CDK5RAP2: variants seen among roughly 807,000 people sequenced by gnomAD.
The protein encoded by CDK5RAP2 is CDK5 regulatory subunit-associated protein 2.
CDK5RAP2 carries 147 observed loss-of-function variants against 232.9 expected under a neutral mutation model. The observed-to-expected ratio is 0.63, with a 90% confidence interval of 0.55 to 0.72. The LOEUF (loss-of-function observed/expected upper bound fraction) is 0.72. CDK5RAP2 is among the 30% of genes least tolerant of loss of function. The probability of loss-of-function intolerance (pLI) is 0.00; values close to 1 mark genes in which losing one functional copy is unlikely to be tolerated. For synonymous variants in CDK5RAP2, 833 were observed against 833.7 expected (o/e 1.00, Z 0.01); for missense variants, 2,195 against 2,231.5 (o/e 0.98, Z 0.33).
intron 25 of CDK5RAP2, among the ~76,000 whole-genome samples, chr9:120,424,651 T>C (rs888133480): frequency 6.6e-6 from 1 of 151,470 alleles, no homozygotes; most frequent in African/African-American, 2.4e-5. Flanking sequence ...ATTCAGGTAC[T>C]AGCCAGGCAA....
chr9:120,453,704 G>A lies in CDK5RAP2; in HGVS notation c.2545C>T (p.Leu849=). ...AGCTGGGCCTCACAAGACAACTTCAGTTCATCATGTGGCTTGGAAAATGAG... is the reference window on the plus strand; with the variant it reads ...AGCTGGGCCTCACAAGACAACTTCAATTCATCATGTGGCTTGGAAAATGAG... ...TNSFSKPHDE[L]KLSCEAQLVK... is the part of the protein sequence containing the mutation. Residue 849 remains leucine, a synonymous_variant, in exon 21 of 38, where the codon CTG becomes TTG. Transcript: ENST00000349780. The A allele has an allele frequency of 6.2e-6, 10 of 1,614,256 alleles. No homozygotes were observed. Among genetic ancestry groups the A allele is most frequent in the Non-Finnish European group, 7.6e-6 (9 of 1,180,038 alleles).
At chr9:120,534,997 G>A (rs1187271942) in intron 7 of CDK5RAP2, among the ~76,000 whole-genome samples, 2 of 152,224 alleles carry the variant, frequency 1.3e-5, no homozygotes, top group Non-Finnish European at 2.9e-5. Context: ...CTCAGTAGGA[G>A]GGCACTTCCC....
Position 120,530,039 on chromosome 9 carries a change from G to C in CDK5RAP2, c.764C>G (p.Ser255Ter). ...ACAAAGTCCTCGGAGCTCTCCAGATGACACATTCTCATCAGGACATGCCAT... is the reference window on the plus strand; with the variant it reads ...ACAAAGTCCTCGGAGCTCTCCAGATCACACATTCTCATCAGGACATGCCAT... ...SQMACPDENV[S>*]SGELRGLCAA... Residue 255 changes from serine to a stop codon, truncating the protein, a stop_gained, in exon 8 of 38, where the codon TCA becomes TGA. Coordinates refer to ENST00000349780, the MANE Select transcript of CDK5RAP2 (RefSeq NM_018249.6). LOFTEE classifies it high-confidence loss of function. The C allele has an allele frequency of 6.2e-7, 1 of 1,613,970 alleles. No homozygotes were observed. The highest frequency in any genetic ancestry group is 8.5e-7 in the Non-Finnish European group (1 of 1,179,906).
chr9:120,526,947 C>T (rs1432365529), intron 10 of CDK5RAP2, among the ~76,000 whole-genome samples: 3 of 152,154 alleles, frequency 2.0e-5, no homozygotes, highest in African/African-American at 7.2e-5. Context: ...AGCTCAGGCA[C>T]CTTCTCCTCT....
At chr9:120,526,588 C>T (rs1325940387) in intron 10 of CDK5RAP2, among the ~76,000 whole-genome samples, 1 of 152,150 alleles carries the variant, frequency 6.6e-6, no homozygotes, top group Non-Finnish European at 1.5e-5. Context: ...GGCTACTGGT[C>T]TCCCAGCCTC....
intron 1 of CDK5RAP2, among the ~76,000 whole-genome samples, chr9:120,577,314 TCACTCCACTG>T (rs1564397535): frequency 6.9e-6 from 1 of 145,272 alleles, no homozygotes; most frequent in Admixed American, 7.0e-5. Flanking sequence ...TGAGCCAAGA[TCACTCCACTG>T]CACTCCAGCC....
intron 24 of CDK5RAP2, 85 bp from the exon 25 acceptor site, chr9:120,437,612 G>A: frequency 1.0e-6 from 1 of 1,003,792 alleles, no homozygotes; most frequent in Non-Finnish European, 1.6e-6. Flanking sequence ...AAATGACAGA[G>A]TACAATTTTT....
chr9:120,419,716 T>C (rs1353683194), intron 27 of CDK5RAP2, 72 bp downstream of exon 27: 1 of 1,162,266 alleles, frequency 8.6e-7, no homozygotes, highest in Middle Eastern at 2.5e-4. Context: ...ACACTCTGCT[T>C]ACTAAGGTTA....
intron 12 of CDK5RAP2, among the ~76,000 whole-genome samples, chr9:120,518,200 TGTGTGTGTGTGAGA>T (rs1191813105): frequency 1.2e-4 from 13 of 104,724 alleles, no homozygotes; most frequent in Admixed American, 7.7e-4. Flanking sequence ...TGTGTGTGTG[TGTGTGTGTGTGAGA>T]GAGAGAGAGA....
At position 120,451,982 on chromosome 9, in the gene CDK5RAP2, G is replaced by A. The variant is rs1258668166; in HGVS notation, c.2793+1474C>T. Among the ~76,000 whole-genome samples the A allele has an allele frequency of 4.0e-5, 6 of 150,818 alleles. No individual in the cohort carries two copies. The East Asian group carries it at 1.2e-3, about 29-fold the overall frequency. On this transcript the variant is annotated intron_variant, in intron 21 of 37. Transcript: ENST00000349780. ...CTTCCTTTTGAAGACATAGCAAGAG[G>A]AATAATTTCAAACTAAAAAAATACA...
At position 120,422,686 on chromosome 9, in the gene CDK5RAP2, C is replaced by A. The variant is rs776395046; in HGVS notation, c.4004+7G>T. 3.1e-6 allele frequency: 5 copies of A among 1,607,942 alleles called. No homozygotes were observed. The African/African-American group carries it at 6.7e-5, about 21-fold the overall frequency. On this transcript the variant is annotated splice_region_variant and intron_variant, in intron 26 of 37. Transcript: ENST00000349780. ...GGAAGTCTTCTTAACAAATGTTACA[C>A]ACTCACCTCTCCATCAGTTCATTCT...
chr9:120,523,325 G>T (rs545427518), intron 11 of CDK5RAP2, among the ~76,000 whole-genome samples: 1 of 152,090 alleles, frequency 6.6e-6, no homozygotes, highest in South Asian at 2.1e-4. Flanking sequence ...TGTTTATGCC[G>T]GTCTCTCTGG....
intron 21 of CDK5RAP2, among the ~76,000 whole-genome samples, chr9:120,453,070 T>C (rs1217459750): frequency 6.6e-6 from 1 of 152,176 alleles, no homozygotes; most frequent in African/African-American, 2.4e-5. Flanking sequence ...TTTTGGGACA[T>C]CTCCACAATG....
intron 14 of CDK5RAP2, among the ~76,000 whole-genome samples, chr9:120,481,313 G>A (rs752064744): frequency 6.6e-6 from 1 of 152,088 alleles, no homozygotes; most frequent in Non-Finnish European, 1.5e-5. Flanking sequence ...CTTGGCAAGG[G>A]TAACATCATC....
chr9:120,427,399 A>T (rs556983324), intron 25 of CDK5RAP2, among the ~76,000 whole-genome samples: 83 of 152,196 alleles, frequency 5.5e-4, no homozygotes, highest in Admixed American at 2.0e-3. Flanking sequence ...ATTCTCACAA[A>T]CATCTCTATA....
At chr9:120,549,155 CA>C (rs35413563) in intron 4 of CDK5RAP2, among the ~76,000 whole-genome samples, 114,043 of 134,040 alleles carry the variant, frequency 0.85, 47,902 homozygotes, top group Non-Finnish European at 0.91. Context: ...GACTCTGTCT[CA>C]AAAAAAAAAA....
intron 6 of CDK5RAP2, among the ~76,000 whole-genome samples, chr9:120,537,446 G>T (rs900031904): frequency 6.6e-6 from 1 of 151,880 alleles, no homozygotes; most frequent in East Asian, 1.9e-4. Flanking sequence ...AATGAAAGCC[G>T]AAAAAAATCA....
intron 3 of CDK5RAP2, among the ~76,000 whole-genome samples, chr9:120,558,419 G>A (rs2042326040): frequency 7.3e-6 from 1 of 137,276 alleles, no homozygotes; most frequent in Non-Finnish European, 1.6e-5. Flanking sequence ...TTAAGGCAGT[G>A]TGATGTAACA....
At chr9:120,482,793 T>G (rs902734357) in intron 14 of CDK5RAP2, among the ~76,000 whole-genome samples, 1 of 152,230 alleles carries the variant, frequency 6.6e-6, no homozygotes. Context: ...AAGAGATTCC[T>G]GGGGATATTT....
Sources: gnomAD v4.1 joint callset for allele counts (sites outside exome capture counted in the v4.1 genomes callset) on GRCh38, gnomAD v4.1.1 for gene constraint, MANE v1.5 for transcripts, NCBI Gene and HGNC (gene_info 2026-07-23, HGNC 2026-07-21) for gene names.